THAP4: variants seen among roughly 807,000 people sequenced by gnomAD.
THAP4 encodes the protein THAP domain containing 4.
THAP4 carries 18 observed loss-of-function variants against 48.1 expected under a neutral mutation model. The ratio of observed to expected loss-of-function variants is 0.37; its 90% CI spans 0.26 to 0.56. The LOEUF is 0.56. Among genes scored for constraint, THAP4 ranks in the 20% least tolerant of loss-of-function variants. THAP4 has a pLI of 0.78. For missense variants in THAP4, 656 were observed against 774.9 expected, an observed-to-expected ratio of 0.85 and a Z score of 1.82; for synonymous variants, 345 against 324.9, an observed-to-expected ratio of 1.06 and a Z score of -0.66.
intron 2 of THAP4, among the ~76,000 whole-genome samples, chr2:241,608,428 C>T (rs1229534432): frequency 6.6e-6 from 1 of 152,148 alleles, no homozygotes; most frequent in Non-Finnish European, 1.5e-5. Flanking sequence ...ATCAGTATTT[C>T]CTCCTCAGAC....
intron 5 of THAP4, among the ~76,000 whole-genome samples, chr2:241,596,293 C>T (rs1298175741): frequency 6.6e-6 from 1 of 151,224 alleles, no homozygotes; most frequent in African/African-American, 2.4e-5. Flanking sequence ...GATCACCTGA[C>T]ATCAGGAGTT....
rs780820119 is a variant in THAP4, at chr2:241,584,577, C to T, written c.*29G>A. The T allele has an allele frequency of 7.4e-6, 12 of 1,613,754 alleles. 1 individual carries two copies. In the Admixed American group the frequency reaches 2.0e-4, roughly 27 times the overall value. On this transcript the variant is annotated 3_prime_UTR_variant, in exon 6 of 6. Coordinates refer to ENST00000407315, the MANE Select transcript of THAP4 (RefSeq NM_015963.6). ...GAACCGTTGAGGCACAGTAGCCAGGCCCTCCCGAGGGCTCCAGAAGCTCTA... is the reference window on the plus strand; with the variant it reads ...GAACCGTTGAGGCACAGTAGCCAGGTCCTCCCGAGGGCTCCAGAAGCTCTA...
chr2:241,584,939 G>A, intron 5 of THAP4: 1 of 600,018 alleles, frequency 1.7e-6, no homozygotes, highest in Non-Finnish European at 3.0e-6. Flanking sequence ...GGGAACACAG[G>A]GATTGTTTAT....
chr2:241,599,679 A>G (rs1381980933), intron 5 of THAP4, among the ~76,000 whole-genome samples: 2 of 152,166 alleles, frequency 1.3e-5, no homozygotes, highest in African/African-American at 2.4e-5. Context: ...ATTGCTACCC[A>G]TGAAAATATG....
At chr2:241,617,700 C>T (rs796399411) in intron 2 of THAP4, among the ~76,000 whole-genome samples, 12 of 152,268 alleles carry the variant, frequency 7.9e-5, no homozygotes, top group African/African-American at 2.6e-4. Flanking sequence ...GGCGGAGTGA[C>T]GAGTGCGGCT....
At position 241,601,949 on chromosome 2, in the gene THAP4, C is replaced by T. The variant is rs761728032; in HGVS notation, c.1561G>A (p.Ala521Thr). 11 of 1,612,900 alleles carry T rather than the reference C, an allele frequency of 6.8e-6. No individual in the cohort carries two copies. Among genetic ancestry groups the T allele is most frequent in the East Asian group, 6.7e-5 (3 of 44,894 alleles). Residue 521 changes from alanine to threonine, a missense_variant, in exon 5 of 6, where the codon GCA (alanine) becomes ACA (threonine). Coordinates refer to ENST00000407315, the MANE Select transcript of THAP4 (RefSeq NM_015963.6). This position sits in a 1 kb window ranked among gnomAD's most constrained non-coding sequence, Gnocchi z 4.0. Reference protein sequence around the residue: ...GEVNGQELCIASHSIARISFA... With the variant: ...GEVNGQELCITSHSIARISFA... ...GAGATCCTGGCGATGGAGTGGGATG[C>T]GATGCACAGCTCCTGCCCGTTCACC...
At chr2:241,593,287 A>C (rs180918004) in intron 5 of THAP4, among the ~76,000 whole-genome samples, 2 of 152,310 alleles carry the variant, frequency 1.3e-5, no homozygotes, top group Admixed American at 6.5e-5. Context: ...ATTAAAAAAA[A>C]CGGTAAAATG....
intron 4 of THAP4, chr2:241,602,305 C>T (rs2067124782): frequency 5.0e-6 from 2 of 401,766 alleles, no homozygotes; most frequent in Admixed American, 3.8e-5. Context: ...GCAGAAGTCG[C>T]AGGTGGGAAT....
chr2:241,628,880 C>T (rs1365414185), intron 2 of THAP4, among the ~76,000 whole-genome samples: 2 of 126,776 alleles, frequency 1.6e-5, no homozygotes, highest in African/African-American at 6.1e-5. Context: ...GTCGTGGCCG[C>T]AGTAAGACGA....
rs1167078224 is a variant in THAP4, at chr2:241,616,141, T to C, written c.1241-9668A>G. ...AGTCTGGTCAAGTTGAACTGGACCATCTATTCCCCCAAGTGGGCCTGGATG... is the reference window on the plus strand; with the variant it reads ...AGTCTGGTCAAGTTGAACTGGACCACCTATTCCCCCAAGTGGGCCTGGATG... On this transcript the variant is annotated intron_variant, in intron 2 of 5. Transcript: ENST00000407315. The surrounding 1 kb of genome is among the most constrained non-coding windows in gnomAD (Gnocchi z 4.6). Among the ~76,000 whole-genome samples, 1 of 152,152 alleles carries C rather than the reference T, an allele frequency of 6.6e-6. No individual in the cohort carries two copies. The highest frequency in any genetic ancestry group is 1.5e-5 in the Non-Finnish European group (1 of 68,020).
chr2:241,615,206 T>C (rs951274083), intron 2 of THAP4, among the ~76,000 whole-genome samples: 2 of 152,038 alleles, frequency 1.3e-5, no homozygotes, highest in African/African-American at 4.8e-5. Context: ...GGGGAGGGGC[T>C]TGGAGGGGAG....
At position 241,584,743 on chromosome 2, in the gene THAP4, A is replaced by T; in HGVS notation, c.1615-18T>A. ...CGGGTGATCTGAGCAGGAGAATGGAACAAAGATAGCTTAGTTTTATCTTCA... is the reference window on the plus strand; with the variant it reads ...CGGGTGATCTGAGCAGGAGAATGGATCAAAGATAGCTTAGTTTTATCTTCA... On this transcript the variant is annotated intron_variant, in intron 5 of 5. Transcript: ENST00000407315. 4 of 1,614,146 alleles carry T rather than the reference A, an allele frequency of 2.5e-6. No homozygotes were observed. Among genetic ancestry groups the T allele is most frequent in the Non-Finnish European group, 3.4e-6 (4 of 1,179,998 alleles).
At chr2:241,606,099 A>G (rs1179379502) in intron 3 of THAP4, among the ~76,000 whole-genome samples, 1 of 152,226 alleles carries the variant, frequency 6.6e-6, no homozygotes, top group Non-Finnish European at 1.5e-5. Context: ...GGTCAGCTTA[A>G]TATCTCCAAA....
chr2:241,624,526 G>C (rs2067473096), intron 2 of THAP4, among the ~76,000 whole-genome samples: 1 of 152,018 alleles, frequency 6.6e-6, no homozygotes, highest in African/African-American at 2.4e-5. Flanking sequence ...CAGAGGAAGA[G>C]CTCAGGGAGA....
At chr2:241,617,525 T>G in intron 2 of THAP4, 1 of 1,483,260 alleles carries the variant, frequency 6.7e-7, no homozygotes, top group Non-Finnish European at 9.1e-7. Flanking sequence ...AGGAAGTGAA[T>G]GCTAACTTTA....
chr2:241,591,901 C>G (rs1344296546), intron 5 of THAP4: 1 of 152,220 alleles, frequency 6.6e-6, no homozygotes. Flanking sequence ...AACCTCTGTT[C>G]TTCAAAAACA....
chr2:241,609,758 G>A (rs997524067), intron 2 of THAP4, among the ~76,000 whole-genome samples: 3 of 151,554 alleles, frequency 2.0e-5, no homozygotes, highest in African/African-American at 7.3e-5. Context: ...CTGCTCTCCA[G>A]CCTGGGCGAC....
chr2:241,611,999 C>T (rs1467928711), intron 2 of THAP4, among the ~76,000 whole-genome samples: 3 of 152,126 alleles, frequency 2.0e-5, no homozygotes, highest in Admixed American at 2.0e-4. Context: ...ACCACTGGGG[C>T]TCAAGTGATT....
chr2:241,633,205 T>C lies in THAP4; in HGVS notation c.952A>G (p.Ser318Gly). 1.2e-6 allele frequency: 2 copies of C among 1,609,784 alleles called. No individual in the cohort carries two copies. The highest frequency in any genetic ancestry group is 8.5e-7 in the Non-Finnish European group (1 of 1,177,612). ...TPKPATEAVQSEHSDASPMSI... is the reference protein window; with the variant it reads ...TPKPATEAVQGEHSDASPMSI... ...ATGGGGCTGGCGTCGCTGTGCTCGC[T>C]CTGCACGGCTTCCGTGGCTGGCTTT... The change falls in exon 2 of 6, where the codon AGC becomes GGC. Residue 318 changes from serine (S) to glycine (G), a missense_variant. Coordinates refer to ENST00000407315, the MANE Select transcript of THAP4 (RefSeq NM_015963.6). The surrounding 1 kb of genome is among the most constrained non-coding windows in gnomAD (Gnocchi z 7.5).
Sources: gnomAD v4.1 joint callset for allele counts (sites outside exome capture counted in the v4.1 genomes callset) on GRCh38, gnomAD v4.1.1 for gene constraint, Gnocchi (gnomAD v3.1) non-coding constraint, MANE v1.5 for transcripts, NCBI Gene and HGNC (gene_info 2026-07-23, HGNC 2026-07-21) for gene names.